SCYL2: variants seen among roughly 807,000 people sequenced by gnomAD.
SCYL2 encodes the protein SCY1-like protein 2.
SCYL2 carries 36 observed loss-of-function variants against 100.4 expected under a neutral mutation model. The ratio of observed to expected loss-of-function variants is 0.36; its 90% CI spans 0.27 to 0.47. The LOEUF (loss-of-function observed/expected upper bound fraction) is 0.47. Ranked by LOEUF, SCYL2 falls within the 20% of genes least tolerant of loss-of-function variation. SCYL2 has a pLI of 1.00. For synonymous variants in SCYL2, 330 were observed against 359.2 expected (o/e 0.92, Z 0.92); for missense variants, 902 against 1,083.9 (o/e 0.83, Z 2.36).
At chr12:100,287,996 T>C (rs185305885) in intron 2 of SCYL2, among the ~76,000 whole-genome samples, 37 of 152,244 alleles carry the variant, frequency 2.4e-4, no homozygotes, top group African/African-American at 8.7e-4. Flanking sequence ...ATATATAAGG[T>C]GACTGGACTT....
intron 1 of SCYL2, among the ~76,000 whole-genome samples, chr12:100,274,491 CTTG>C (rs1275452402): frequency 4.6e-5 from 7 of 152,136 alleles, no homozygotes; most frequent in African/African-American, 7.2e-5. Context: ...GGCGTGGGTT[CTTG>C]TTGTTATTAA....
chr12:100,323,471 A>G (rs1158502497), intron 10 of SCYL2, 54 bp from the exon 11 acceptor site: 3 of 1,054,304 alleles, frequency 2.8e-6, no homozygotes, highest in Admixed American at 4.3e-5. Flanking sequence ...TTGTAATATC[A>G]GAGAGAAAAG....
chr12:100,301,513 A>T (rs565981243), intron 4 of SCYL2, among the ~76,000 whole-genome samples: 68 of 152,044 alleles, frequency 4.5e-4, no homozygotes, highest in Non-Finnish European at 8.1e-4. Context: ...ATGTGATCCC[A>T]TTTGTCCGTT....
intron 1 of SCYL2, among the ~76,000 whole-genome samples, chr12:100,277,560 G>T (rs936309528): frequency 6.6e-6 from 1 of 152,062 alleles, no homozygotes; most frequent in Admixed American, 6.5e-5. Flanking sequence ...ACTCCAGCTT[G>T]GTATACTTTC....
chr12:100,274,661 A>G (rs1310603677), intron 1 of SCYL2, among the ~76,000 whole-genome samples: 2 of 152,224 alleles, frequency 1.3e-5, no homozygotes, highest in Non-Finnish European at 2.9e-5. Context: ...AATGGCCTAC[A>G]GTAACACTGG....
Position 100,317,099 on chromosome 12 carries a change from CAAAA to C in SCYL2, c.1273-692_1273-689del, listed in dbSNP as rs766952925. 2.6e-5 allele frequency among the ~76,000 whole-genome samples: 3 copies of C among 114,532 alleles called. 1 individual carries two copies. The highest frequency in any genetic ancestry group is 5.6e-4 in the South Asian group (2 of 3,588). The allele number at this position is 114,532 out of a possible 152,430, so 75.1% of individuals were successfully genotyped here. The stretch of plus-strand genomic sequence containing the variant: ...TGACAGAGTGAGTGAGGCCCTGTCT[CAAAA>C]AAAAAAAAAAAGAAAAAATTTCTTC... On this transcript the variant is annotated intron_variant, in intron 9 of 17. Transcript: ENST00000360820.
At chr12:100,290,228 T>G (rs553350767) in intron 2 of SCYL2, among the ~76,000 whole-genome samples, 3 of 152,314 alleles carry the variant, frequency 2.0e-5, no homozygotes, top group African/African-American at 7.2e-5. Context: ...ACTCAAAGGC[T>G]CCTCTGATCT....
chr12:100,302,231 A>T (rs979737868), intron 4 of SCYL2, among the ~76,000 whole-genome samples: 12 of 152,022 alleles, frequency 7.9e-5, no homozygotes, highest in African/African-American at 2.7e-4. Context: ...TGGGTGGGGG[A>T]GGTGGTGCAA....
chr12:100,329,132 T>C (rs1450138998), intron 12 of SCYL2, 69 bp from the exon 13 acceptor site: 2 of 783,232 alleles, frequency 2.6e-6, no homozygotes, highest in African/African-American at 3.4e-5. Flanking sequence ...CGTATACATA[T>C]ATTATTTTCA....
At position 100,267,206 on chromosome 12, in the gene SCYL2, C is replaced by A. The variant is rs982423364; in HGVS notation, c.-615C>A. On this transcript the variant is annotated 5_prime_UTR_variant, in exon 1 of 18. Transcript: ENST00000360820. ...TTTTTCCCCCTCCCTTACTCTTCGT[C>A]CCCGGTCCCTCCCCTCCCCACCCCT... The A allele has an allele frequency of 9.1e-6, 9 of 987,774 alleles. No homozygotes were observed. Among genetic ancestry groups the A allele is most frequent in the Admixed American group, 2.7e-5 (1 of 36,450 alleles). The allele number at this position is 987,774 out of a possible 1,614,324, so 61.2% of individuals were successfully genotyped here.
intron 13 of SCYL2, among the ~76,000 whole-genome samples, chr12:100,332,363 TTAA>T (rs2135937490): frequency 6.6e-6 from 1 of 152,284 alleles, no homozygotes; most frequent in South Asian, 2.1e-4. Context: ...CTGTTACCAG[TTAA>T]TAATAGGAAC....
At chr12:100,327,483 G>A (rs895608807) in intron 12 of SCYL2, among the ~76,000 whole-genome samples, 4 of 151,920 alleles carry the variant, frequency 2.6e-5, no homozygotes, top group African/African-American at 9.7e-5. Flanking sequence ...ACATTTAACA[G>A]GTTCATTTTT....
At chr12:100,288,531 T>A (rs1256393052) in intron 2 of SCYL2, among the ~76,000 whole-genome samples, 3 of 152,164 alleles carry the variant, frequency 2.0e-5, no homozygotes, top group Non-Finnish European at 4.4e-5. Context: ...AGTCCTTTTT[T>A]TATATATACT....
At chr12:100,328,971 C>G (rs1325768089) in intron 12 of SCYL2, among the ~76,000 whole-genome samples, 1 of 152,110 alleles carries the variant, frequency 6.6e-6, no homozygotes, top group Non-Finnish European at 1.5e-5. Flanking sequence ...AAATGTACTC[C>G]TAAACCAAAA....
At chr12:100,318,478 C>T (rs1592960109) in intron 10 of SCYL2, among the ~76,000 whole-genome samples, 1 of 151,930 alleles carries the variant, frequency 6.6e-6, no homozygotes, top group South Asian at 2.1e-4. Context: ...CTACAGGTGC[C>T]TGTCACCACA....
intron 3 of SCYL2, among the ~76,000 whole-genome samples, chr12:100,294,358 A>G (rs764883788): frequency 0.022 from 2,235 of 102,986 alleles, 11 homozygotes; most frequent in Non-Finnish European, 0.029. Context: ...CACCTCCCAG[A>G]CGGGGCGGCT....
At chr12:100,318,022 A>G (rs1449030978) in intron 10 of SCYL2, 97 bp downstream of exon 10, 5 of 1,079,596 alleles carry the variant, frequency 4.6e-6, no homozygotes, top group Non-Finnish European at 6.5e-6. Context: ...CATAAAATAC[A>G]TAACTCAATA....
rs1736569125 is a variant in SCYL2 at position 100,267,398 on chromosome 12, T to C, written c.-423T>C. The C allele has an allele frequency of 4.4e-6, 1 of 229,468 alleles. No homozygotes were observed. The highest frequency in any genetic ancestry group is 2.3e-5 in the African/African-American group (1 of 43,848). The allele number at this position is 229,468 out of a possible 1,614,324, so 14.2% of individuals were successfully genotyped here. On this transcript the variant is annotated 5_prime_UTR_variant, in exon 1 of 18. Coordinates refer to ENST00000360820, the MANE Select transcript of SCYL2 (RefSeq NM_017988.6). Reference sequence around the variant, plus strand: ...CGCCCCTCCTGGAAGAAGGAAGAGGTAAGTGACCGGCCGCCGGCACCGACC... The same window carrying C: ...CGCCCCTCCTGGAAGAAGGAAGAGGCAAGTGACCGGCCGCCGGCACCGACC...
chr12:100,335,966 C>G, intron 16 of SCYL2, 60 bp downstream of exon 16: 1 of 1,248,060 alleles, frequency 8.0e-7, no homozygotes, highest in South Asian at 1.3e-5. Context: ...TTCCTGTAAA[C>G]CACAGATTTT....
Sources: gnomAD v4.1 joint callset for allele counts (sites outside exome capture counted in the v4.1 genomes callset) on GRCh38, gnomAD v4.1.1 for gene constraint, MANE v1.5 for transcripts, NCBI Gene and HGNC (gene_info 2026-07-23, HGNC 2026-07-21) for gene names.